MCF2L: variants seen among roughly 807,000 people sequenced by gnomAD.
MCF2L encodes the protein guanine nucleotide exchange factor DBS.
MCF2L carries 97 observed loss-of-function variants against 153.4 expected under a neutral mutation model. The observed-to-expected ratio is 0.63, with a 90% CI of 0.54 to 0.75. MCF2L has a LOEUF of 0.75. Ranked by LOEUF, MCF2L falls within the 30% of genes least tolerant of loss-of-function variation. MCF2L has a pLI of 0.00. For missense variants in MCF2L, 1,347 were observed against 1,495.2 expected (o/e 0.90, Z 1.64); for synonymous variants, 659 against 632.2 (o/e 1.04, Z -0.64).
chr13:113,034,828 AGG>A (rs1316936932), intron 3 of MCF2L, among the ~76,000 whole-genome samples: 2 of 151,972 alleles, frequency 1.3e-5, no homozygotes, highest in Non-Finnish European at 2.9e-5. Context: ...CAGTCCCCGG[AGG>A]TTAGGGGCTG....
Position 113,089,667 on chromosome 13 carries a change from C to T in MCF2L, c.2892C>T (p.Pro964=), listed in dbSNP as rs577284740. 9 of 1,613,978 alleles carry T rather than the reference C, an allele frequency of 5.6e-6. No individual in the cohort carries two copies. The African/African-American group carries it at 8.0e-5, about 14-fold the overall frequency. Residue 964 remains proline, a synonymous_variant, in exon 26 of 30, where the codon CCC becomes CCT. Coordinates refer to ENST00000535094, the MANE Select transcript of MCF2L (RefSeq NM_001112732.3). ...AGCTGGAAGAAAGGAAAACAGACCC[C>T]CTAAGCCTGGAGGGATACGTCAGCT... ...IKKLEERKTD[P]LSLEGYVSSA... is the part of the protein sequence containing the mutation.
At position 113,028,542 on chromosome 13, in the gene MCF2L, G is replaced by A. The variant is rs558507534; in HGVS notation, c.278+3784G>A. Reference sequence around the variant, plus strand: ...TGGTCTGGCTGAAGGTGGCCGGAGCGCAGGCCCAGTCCCCGCTGTGGACAC... The same window carrying A: ...TGGTCTGGCTGAAGGTGGCCGGAGCACAGGCCCAGTCCCCGCTGTGGACAC... On this transcript the variant is annotated intron_variant, in intron 3 of 29. Coordinates refer to ENST00000535094, the MANE Select transcript of MCF2L (RefSeq NM_001112732.3). The surrounding 1 kb of genome is among the most constrained non-coding windows in gnomAD (Gnocchi z 5.4). Among the ~76,000 whole-genome samples, 13 of 152,328 alleles carry A rather than the reference G, an allele frequency of 8.5e-5. No individual in the cohort carries two copies. Among genetic ancestry groups the A allele is most frequent in the African/African-American group, 2.6e-4 (11 of 41,576 alleles).
chr13:112,934,583 T>TGCTGCTGCTGCTGCTGCTGCTGCTGCTG (rs1555351939), intron 2 of MCF2L, among the ~76,000 whole-genome samples: 39 of 152,208 alleles, frequency 2.6e-4, no homozygotes, highest in Non-Finnish European at 3.5e-4. Flanking sequence ...CTGCTGCTGG[T>TGCTGCTGCTGCTGCTGCTGCTGCTGCTG]CTGGAGACCC....
At chr13:112,930,586 T>C (rs2081452143) in intron 2 of MCF2L, among the ~76,000 whole-genome samples, 1 of 152,212 alleles carries the variant, frequency 6.6e-6, no homozygotes, top group Non-Finnish European at 1.5e-5. Flanking sequence ...AACTACTGTA[T>C]ATGATATCAT....
intron 1 of MCF2L, among the ~76,000 whole-genome samples, chr13:112,990,910 G>A (rs1305455252): frequency 6.6e-6 from 1 of 152,222 alleles, no homozygotes; most frequent in Admixed American, 6.5e-5. Context: ...GGCTGAATGC[G>A]CTCCTGAAAA....
In MCF2L at chr13:113,007,301, G is replaced by A. The variant is rs57487989; in HGVS notation, c.80-7462G>A. Among the ~76,000 whole-genome samples, 690 of 152,292 alleles carry A rather than the reference G, an allele frequency of 4.5e-3. 19 individuals carry two copies. The East Asian group carries it at 0.092, about 20-fold the overall frequency. ...TCATGAAAATGCAAGCTGGTGAGCAGGCAAGTGCCCCCCTGCATGACAGAC... is the reference window on the plus strand; with the variant it reads ...TCATGAAAATGCAAGCTGGTGAGCAAGCAAGTGCCCCCCTGCATGACAGAC... On this transcript the variant is annotated intron_variant, in intron 1 of 29. Transcript: ENST00000535094.
chr13:112,952,753 T>C (rs1261309867), intron 2 of MCF2L, among the ~76,000 whole-genome samples: 2 of 152,236 alleles, frequency 1.3e-5, no homozygotes, highest in Non-Finnish European at 2.9e-5. Context: ...TGTTTGGGAC[T>C]GGAGTCATGT....
At chr13:112,952,943 GA>G (rs2081711159) in intron 2 of MCF2L, among the ~76,000 whole-genome samples, 1 of 152,182 alleles carries the variant, frequency 6.6e-6, no homozygotes, top group Admixed American at 6.5e-5. Flanking sequence ...CAAAGCAGGC[GA>G]CACTAAATGC....
intron 1 of MCF2L, among the ~76,000 whole-genome samples, chr13:113,005,727 G>A (rs1028960567): frequency 1.3e-5 from 2 of 152,200 alleles, no homozygotes; most frequent in African/African-American, 4.8e-5. Context: ...TGGATGTTGG[G>A]TATTCTAACT....
At chr13:113,079,783 G>GT (rs1287431039) in intron 15 of MCF2L, among the ~76,000 whole-genome samples, 1 of 146,606 alleles carries the variant, frequency 6.8e-6, no homozygotes, top group Non-Finnish European at 1.5e-5. Context: ...AGGGGCGTCT[G>GT]CACGGAGGAG....
At chr13:113,020,662 C>T (rs1400022918) in intron 2 of MCF2L, among the ~76,000 whole-genome samples, 1 of 152,218 alleles carries the variant, frequency 6.6e-6, no homozygotes, top group African/African-American at 2.4e-5. Context: ...CCCACTCCCA[C>T]GGCCTCCTCC....
chr13:113,082,228 C>G (rs1349890581), intron 16 of MCF2L, among the ~76,000 whole-genome samples, 199 bp from the exon 17 acceptor site: 1 of 152,218 alleles, frequency 6.6e-6, no homozygotes, highest in Non-Finnish European at 1.5e-5. Flanking sequence ...AAGGGTAGAA[C>G]CTCCACCCCA....
chr13:112,985,417 C>T (rs1478278395), intron 1 of MCF2L: 7 of 470,950 alleles, frequency 1.5e-5, no homozygotes, highest in East Asian at 1.4e-4. Flanking sequence ...ATTTCCGTGG[C>T]GGAAATGAAA....
At chr13:113,043,045 T>C (rs2086599962) in intron 3 of MCF2L, 1 of 152,258 alleles carries the variant, frequency 6.6e-6, no homozygotes, top group African/African-American at 2.4e-5. Context: ...CATTTCACTC[T>C]CACGGTAACC....
intron 1 of MCF2L, among the ~76,000 whole-genome samples, chr13:113,007,036 G>T (rs577627782): frequency 9.2e-5 from 14 of 152,146 alleles, no homozygotes; most frequent in Non-Finnish European, 2.1e-4. Flanking sequence ...CTGAAACCCG[G>T]CCTCCTGTGT....
At position 113,012,024 on chromosome 13, in the gene MCF2L, A is replaced by G. The variant is rs375261392; in HGVS notation, c.80-2739A>G. On this transcript the variant is annotated intron_variant, in intron 1 of 29. Transcript: ENST00000535094. ...GGACGGTGGACACTGCGATGAGGAC[A>G]GTGGACAGGTGGTGTGGACGGTGGA... Among the ~76,000 whole-genome samples the G allele has an allele frequency of 7.4e-3, 505 of 68,314 alleles. 36 individuals are homozygous for G. In the East Asian group the frequency reaches 0.084, roughly 11 times the overall value. 44.8% of individuals were successfully genotyped at this position (68,314 alleles called of 152,430 possible). A position where few individuals can be genotyped will look rare whatever the true frequency, so the allele number is the denominator to read the frequency against.
chr13:112,895,564 A>G (rs957815360), intron 1 of MCF2L, among the ~76,000 whole-genome samples: 6 of 152,080 alleles, frequency 3.9e-5, no homozygotes, highest in African/African-American at 1.4e-4. Flanking sequence ...CGAGGGGTCC[A>G]GGGCTGGTCG....
upstream of MCF2L, among the ~76,000 whole-genome samples, chr13:112,969,063 C>T (rs2081952872): frequency 6.6e-6 from 1 of 151,906 alleles, no homozygotes; most frequent in Non-Finnish European, 1.5e-5. This position sits in a 1 kb window ranked among gnomAD's most constrained non-coding sequence, Gnocchi z 4.8. Flanking sequence ...GGCGGTGACA[C>T]GCGGGGCTCC....
At chr13:113,066,021 A>T in intron 7 of MCF2L, 25 bp from the exon 8 acceptor site, 1 of 1,610,040 alleles carries the variant, frequency 6.2e-7, no homozygotes, top group Non-Finnish European at 8.5e-7. Flanking sequence ...CGGGGCCGGG[A>T]CATGAGGCTG....
Sources: gnomAD v4.1 joint callset for allele counts (sites outside exome capture counted in the v4.1 genomes callset) on GRCh38, gnomAD v4.1.1 for gene constraint, Gnocchi (gnomAD v3.1) non-coding constraint, MANE v1.5 for transcripts, NCBI Gene and HGNC (gene_info 2026-07-23, HGNC 2026-07-21) for gene names.